Variants in CPED1 observed in about 807,000 individuals in gnomAD.
CPED1 encodes the protein cadherin-like and PC-esterase domain-containing protein 1.
A neutral mutation model predicts 128.2 loss-of-function variants in CPED1; 114 were observed. The ratio of observed to expected loss-of-function variants is 0.89; its 90% CI spans 0.76 to 1.04. The LOEUF (loss-of-function observed/expected upper bound fraction) is 1.04, where lower values mean the gene tolerates loss of function less well. Among genes scored for constraint, CPED1 ranks in the 50% least tolerant of loss-of-function variants. CPED1 has a pLI of 0.00. For missense variants in CPED1, 1,211 were observed against 1,207.1 expected (o/e 1.00, Z -0.05); for synonymous variants, 462 against 426.7 (o/e 1.08, Z -1.02).
chr7:121,210,534 C>A (rs531236907), intron 16 of CPED1, among the ~76,000 whole-genome samples: 1 of 152,048 alleles, frequency 6.6e-6, no homozygotes, highest in East Asian at 1.9e-4. Flanking sequence ...AGACATTATG[C>A]AAAATGAGAT....
chr7:121,025,122 C>T (rs1792543122), intron 3 of CPED1, among the ~76,000 whole-genome samples: 1 of 151,990 alleles, frequency 6.6e-6, no homozygotes. Context: ...TGATGTTTCC[C>T]AAAATAATTA....
intron 16 of CPED1, among the ~76,000 whole-genome samples, chr7:121,162,572 A>C (rs1175344609): frequency 6.6e-6 from 1 of 152,224 alleles, no homozygotes; most frequent in Non-Finnish European, 1.5e-5. Context: ...GTTAATTCAA[A>C]AAAACCTACT....
At chr7:121,129,317 A>ATATATATATATACGTG (rs1563037595) in intron 11 of CPED1, among the ~76,000 whole-genome samples, 40 of 126,822 alleles carry the variant, frequency 3.2e-4, no homozygotes, top group African/African-American at 1.1e-3. Flanking sequence ...ATATACGTAT[A>ATATATATATATACGTG]TATATATATA....
chr7:121,075,197 A>AT (rs1012450077), intron 5 of CPED1, among the ~76,000 whole-genome samples: 144 of 152,044 alleles, frequency 9.5e-4, no homozygotes, highest in African/African-American at 3.0e-3. Context: ...GTTTTATTTT[A>AT]TTTTTTTTAG....
At chr7:121,141,863 C>A in intron 15 of CPED1, 110 bp from the exon 16 acceptor site, 2 of 782,078 alleles carry the variant, frequency 2.6e-6, no homozygotes. Context: ...ACAGACCTTT[C>A]CTGTTATTTA....
At position 121,088,179 on chromosome 7, in the gene CPED1, C is replaced by A. The variant is rs2908575; in HGVS notation, c.617-9520C>A. On this transcript the variant is annotated intron_variant, in intron 5 of 22. Coordinates refer to ENST00000310396, the MANE Select transcript of CPED1 (RefSeq NM_024913.5). ...CAAGTCTAGGATTGTTATACAGGGC[C>A]ATGCAAACAAGTGGTGTTAATTGAA... Among the ~76,000 whole-genome samples, 1,291 of 152,174 alleles carry A rather than the reference C, an allele frequency of 8.5e-3. 16 individuals are homozygous for A. Among genetic ancestry groups the A allele is most frequent in the African/African-American group, 0.029 (1,209 of 41,514 alleles).
chr7:121,241,624 T>G (rs1291715607), intron 17 of CPED1, among the ~76,000 whole-genome samples: 2 of 152,098 alleles, frequency 1.3e-5, no homozygotes, highest in Admixed American at 1.3e-4. Context: ...TCACTGTACC[T>G]AAAGTACCAC....
chr7:121,123,020 A>G (rs1014645357), intron 7 of CPED1, among the ~76,000 whole-genome samples: 2 of 152,234 alleles, frequency 1.3e-5, no homozygotes, highest in Non-Finnish European at 1.5e-5. Context: ...GGAATGAAAT[A>G]TAATGAGTTA....
intron 16 of CPED1, among the ~76,000 whole-genome samples, chr7:121,175,592 A>C (rs1796756806): frequency 6.6e-6 from 1 of 152,132 alleles, no homozygotes; most frequent in African/African-American, 2.4e-5. Context: ...ACTCAAAGCC[A>C]GTCTTCTATT....
At chr7:121,050,456 A>G (rs1793316901) in intron 4 of CPED1, 2 of 141,740 alleles carry the variant, frequency 1.4e-5, no homozygotes, top group Admixed American at 1.7e-4. Context: ...TGGGGGCAAT[A>G]TAGGTTTTTT....
Position 121,141,959 on chromosome 7 carries a change from C to G in CPED1, c.1887-14C>G. 6.2e-7 allele frequency: 1 copy of G among 1,607,872 alleles called. No homozygotes were observed. The highest frequency in any genetic ancestry group is 8.5e-7 in the Non-Finnish European group (1 of 1,175,352). Reference sequence around the variant, plus strand: ...CTATTCATATTCTATTTCTCTCTCCCTCTTTCTCTCCAGCTTTGCCAGCTA... The same window carrying G: ...CTATTCATATTCTATTTCTCTCTCCGTCTTTCTCTCCAGCTTTGCCAGCTA... On this transcript the variant is annotated splice_polypyrimidine_tract_variant and intron_variant, in intron 15 of 22. Transcript: ENST00000310396.
chr7:121,050,312 C>T (rs1302981949), intron 4 of CPED1: 1 of 152,896 alleles, frequency 6.5e-6, no homozygotes, highest in East Asian at 1.9e-4. Context: ...TATACTCATA[C>T]AAATCCTCAT....
intron 18 of CPED1, among the ~76,000 whole-genome samples, chr7:121,254,259 C>T (rs747932846): frequency 6.6e-6 from 1 of 151,984 alleles, no homozygotes; most frequent in African/African-American, 2.4e-5. Flanking sequence ...AAGAAGATCC[C>T]TTAAATCTAC....
intron 18 of CPED1, chr7:121,261,662 A>C (rs755533244): frequency 1.2e-6 from 2 of 1,611,244 alleles, no homozygotes; most frequent in South Asian, 1.1e-5. Context: ...AGTTCCTAGA[A>C]GCCGTAATTG....
rs1483636842 is a variant in CPED1, at chr7:121,297,193, A to C, written c.*1541A>C. On this transcript the variant is annotated 3_prime_UTR_variant, in exon 23 of 23. Transcript: ENST00000310396. ...TTCTAATATACACTTAAATGCAAAC[A>C]TCATTTTTAAATTTTCAGTGATTTT... 1 of 152,074 alleles carries C rather than the reference A, an allele frequency of 6.6e-6. No homozygotes were observed. Among genetic ancestry groups the C allele is most frequent in the Admixed American group, 6.6e-5 (1 of 15,262 alleles). The allele number at this position is 152,074 out of a possible 1,614,324, so 9.4% of individuals were successfully genotyped here. A position where few individuals can be genotyped will look rare whatever the true frequency, so the allele number is the denominator to read the frequency against.
chr7:121,029,718 A>G (rs1015087473), intron 3 of CPED1, among the ~76,000 whole-genome samples: 2 of 152,188 alleles, frequency 1.3e-5, no homozygotes, highest in Admixed American at 1.3e-4. Context: ...ATAATCGTAC[A>G]TGACATGATT....
intron 2 of CPED1, among the ~76,000 whole-genome samples, chr7:121,009,606 CAAA>C (rs372071345): frequency 6.1e-4 from 55 of 90,716 alleles, no homozygotes; most frequent in African/African-American, 2.2e-3. Flanking sequence ...GCCCCTGTCT[CAAA>C]AAAAAAAAAA....
chr7:120,990,361 C>A (rs1440998428), intron 2 of CPED1, among the ~76,000 whole-genome samples: 1 of 151,994 alleles, frequency 6.6e-6, no homozygotes, highest in Non-Finnish European at 1.5e-5. Context: ...ATTTCTAAAG[C>A]AATATATTTA....
intron 16 of CPED1, among the ~76,000 whole-genome samples, chr7:121,165,046 TG>T (rs1480603775): frequency 6.6e-6 from 1 of 152,166 alleles, no homozygotes; most frequent in African/African-American, 2.4e-5. Context: ...TAAAATTCAT[TG>T]TTTTCTTACA....
Sources: gnomAD v4.1 joint callset for allele counts (sites outside exome capture counted in the v4.1 genomes callset) on GRCh38, gnomAD v4.1.1 for gene constraint, MANE v1.5 for transcripts, NCBI Gene and HGNC (gene_info 2026-07-23, HGNC 2026-07-21) for gene names.